LARS2: variants seen among roughly 807,000 people sequenced by gnomAD.
The protein encoded by LARS2 is leucine--tRNA ligase, mitochondrial.
In LARS2, 81 loss-of-function variants were observed where a neutral mutation model predicts 116.6. That is an observed-to-expected ratio of 0.69 (90% CI 0.58 to 0.84). The LOEUF is 0.84. Among genes scored for constraint, LARS2 ranks in the 40% least tolerant of loss-of-function variants. The pLI is 0.00. For missense variants in LARS2, 968 were observed against 1,114.5 expected, an observed-to-expected ratio of 0.87 and a Z score of 1.87; for synonymous variants, 396 against 407.2, an observed-to-expected ratio of 0.97 and a Z score of 0.33.
intron 8 of LARS2, among the ~76,000 whole-genome samples, chr3:45,469,063 G>A (rs1699479665): frequency 6.6e-6 from 1 of 152,100 alleles, no homozygotes; most frequent in South Asian, 2.1e-4. Flanking sequence ...CACCTTGTTG[G>A]CAAGTCATAT....
chr3:45,465,133 T>C (rs1699398573), intron 8 of LARS2, among the ~76,000 whole-genome samples: 2 of 152,176 alleles, frequency 1.3e-5, no homozygotes, highest in African/African-American at 4.8e-5. Flanking sequence ...GGGCTGTCTC[T>C]TCTCTTGGCT....
rs2125718429 is a variant in LARS2 at position 45,474,342 on chromosome 3, A to C, written c.850A>C (p.Thr284Pro). ...CTGTGTGGGCTGCCACCTGGACTTCACATTAAAGGTGATTAAGTAATAGCA... is the reference window on the plus strand; with the variant it reads ...CTGTGTGGGCTGCCACCTGGACTTCCCATTAAAGGTGATTAAGTAATAGCA... ...GDCVGCHLDF[T>P]LKVHGQATGE... Residue 284 changes from threonine (T) to proline (P), a missense_variant, in exon 9 of 22, where the codon ACA (threonine) becomes CCA (proline). Physicochemically the swap from Thr to Pro is conservative, Grantham distance 38. Coordinates refer to ENST00000645846, the MANE Select transcript of LARS2 (RefSeq NM_015340.4). 1 of 1,590,862 alleles carries C rather than the reference A, an allele frequency of 6.3e-7. No homozygotes were observed. The highest frequency in any genetic ancestry group is 8.6e-7 in the Non-Finnish European group (1 of 1,160,746).
rs776936415 is a variant in LARS2, at chr3:45,488,746, C to T, written c.1173C>T (p.Gly391=). The T allele has an allele frequency of 1.9e-6, 3 of 1,613,960 alleles. No individual in the cohort carries two copies. The highest frequency in any genetic ancestry group is 1.7e-6 in the Non-Finnish European group (2 of 1,179,812). The change falls in exon 12 of 22, where the codon GGC becomes GGT. Residue 391 remains glycine, a synonymous_variant. Coordinates refer to ENST00000645846, the MANE Select transcript of LARS2 (RefSeq NM_015340.4). ...ACACCATCTTAGCCCAAACCCTGGG[C>T]CTGGCCTACTCTGAAGTCATTGAAA... The part of the protein sequence containing the change: ...SEDTILAQTL[G]LAYSEVIETL...
intron 4 of LARS2, among the ~76,000 whole-genome samples, chr3:45,406,694 A>G (rs1698238192): frequency 2.0e-5 from 3 of 152,202 alleles, no homozygotes; most frequent in Admixed American, 2.0e-4. Flanking sequence ...CTCTAAAAAC[A>G]ATATGTAATT....
At chr3:45,404,431 G>A (rs1698201178) in intron 4 of LARS2, among the ~76,000 whole-genome samples, 1 of 152,172 alleles carries the variant, frequency 6.6e-6, no homozygotes, top group African/African-American at 2.4e-5. Context: ...AAAGTCTGTT[G>A]AGCTTCCTTG....
intron 21 of LARS2, among the ~76,000 whole-genome samples, chr3:45,545,056 G>A (rs181505410): frequency 6.6e-5 from 10 of 152,296 alleles, no homozygotes; most frequent in South Asian, 2.1e-4. Flanking sequence ...AGGTCATCCC[G>A]TCTCTTCCAC....
chr3:45,519,022 ATTC>A lies in LARS2; in HGVS notation c.2214+955_2214+957del, dbSNP rs1237209475. 3.9e-5 allele frequency among the ~76,000 whole-genome samples: 6 copies of A among 152,336 alleles called. No individual in the cohort carries two copies. The East Asian group carries it at 5.8e-4, about 15-fold the overall frequency. On this transcript the variant is annotated intron_variant, in intron 18 of 21. Coordinates refer to ENST00000645846, the MANE Select transcript of LARS2 (RefSeq NM_015340.4). ...CATATTTTCTCCCTGGATTTGGCAA[ATTC>A]TTCTATTCTGTCAGATAAAAGAATT...
intron 20 of LARS2, among the ~76,000 whole-genome samples, chr3:45,536,348 A>G (rs1700704667): frequency 6.6e-6 from 1 of 152,190 alleles, no homozygotes; most frequent in African/African-American, 2.4e-5. Flanking sequence ...GGCTTAAGTG[A>G]TACCTCCACC....
At chr3:45,460,834 A>G (rs912587721) in intron 8 of LARS2, among the ~76,000 whole-genome samples, 21 of 152,198 alleles carry the variant, frequency 1.4e-4, no homozygotes, top group African/African-American at 4.1e-4. Flanking sequence ...ATGACACCCT[A>G]AGACTAATGA....
intron 7 of LARS2, among the ~76,000 whole-genome samples, chr3:45,449,362 A>G (rs1413940680): frequency 6.6e-6 from 1 of 152,026 alleles, no homozygotes; most frequent in Non-Finnish European, 1.5e-5. Context: ...AAGTTTCACC[A>G]TGTTGGTCAG....
At chr3:45,476,064 CTTTT>C (rs66954282) in intron 9 of LARS2, among the ~76,000 whole-genome samples, 101 of 146,672 alleles carry the variant, frequency 6.9e-4, no homozygotes, top group Admixed American at 9.4e-4. Context: ...AAGTAGATGC[CTTTT>C]TTTTTTTTTT....
chr3:45,460,975 A>G (rs1035961531), intron 8 of LARS2, among the ~76,000 whole-genome samples: 4 of 152,226 alleles, frequency 2.6e-5, no homozygotes, highest in South Asian at 2.1e-4. Context: ...TGTATCTGCA[A>G]TGTCCAACAT....
chr3:45,408,792 C>T (rs1698277739), intron 4 of LARS2, among the ~76,000 whole-genome samples: 1 of 152,164 alleles, frequency 6.6e-6, no homozygotes, highest in Non-Finnish European at 1.5e-5. Flanking sequence ...GTAGATTCAC[C>T]CATTTCCTTG....
chr3:45,459,014 A>T, intron 8 of LARS2, 128 bp downstream of exon 8: 1 of 891,346 alleles, frequency 1.1e-6, no homozygotes, highest in Non-Finnish European at 1.8e-6. Context: ...CCATGGATGT[A>T]CAGACAGGAA....
At chr3:45,505,236 C>T (rs1700182775) in intron 15 of LARS2, among the ~76,000 whole-genome samples, 1 of 151,988 alleles carries the variant, frequency 6.6e-6, no homozygotes, top group South Asian at 2.1e-4. Flanking sequence ...GAGATTGAGG[C>T]TGAGGCGGGA....
chr3:45,448,468 A>C (rs922093401), intron 7 of LARS2, among the ~76,000 whole-genome samples: 18 of 152,160 alleles, frequency 1.2e-4, no homozygotes, highest in Non-Finnish European at 2.4e-4. Flanking sequence ...GGGAGACCCT[A>C]ACCCAGTAGC....
intron 3 of LARS2, among the ~76,000 whole-genome samples, chr3:45,395,973 T>G (rs745871935): frequency 1.3e-5 from 2 of 152,260 alleles, no homozygotes; most frequent in Non-Finnish European, 2.9e-5. Flanking sequence ...TGTAACTTAA[T>G]AGATTTTGAA....
intron 15 of LARS2, among the ~76,000 whole-genome samples, chr3:45,505,263 G>A (rs1700183155): frequency 6.6e-6 from 1 of 151,934 alleles, no homozygotes. Flanking sequence ...CTTGAGCCCA[G>A]GAGCTTGATT....
chr3:45,440,677 G>T (rs1324408463), intron 6 of LARS2, among the ~76,000 whole-genome samples: 2 of 152,106 alleles, frequency 1.3e-5, no homozygotes, highest in Admixed American at 1.3e-4. Flanking sequence ...GAGCTGTTCT[G>T]AAATCTAGGG....
Sources: allele counts gnomAD v4.1 joint callset (sites outside exome capture counted in the v4.1 genomes callset), GRCh38; gene constraint gnomAD v4.1.1; transcripts MANE v1.5; gene names NCBI Gene and HGNC (gene_info 2026-07-23, HGNC 2026-07-21).